Variants in OLFM3 observed in about 807,000 individuals in gnomAD.
The protein encoded by OLFM3 is noelin-3.
Under a neutral mutation model 48.6 loss-of-function variants are expected in OLFM3, and 20 were observed. The observed-to-expected ratio is 0.41, with a 90% CI of 0.29 to 0.60. The LOEUF is 0.60. Ranked by LOEUF, OLFM3 falls within the 20% of genes least tolerant of loss-of-function variation. The pLI is 0.28. For synonymous variants in OLFM3, 222 were observed against 198.1 expected (o/e 1.12, Z -1.01); for missense variants, 437 against 544.3 (o/e 0.80, Z 1.96).
chr1:101,933,438 C>T (rs370241359), intron 1 of OLFM3, among the ~76,000 whole-genome samples: 15 of 151,618 alleles, frequency 9.9e-5, no homozygotes, highest in African/African-American at 3.4e-4. Context: ...GAAGAATGAA[C>T]CAAACCTCCA....
chr1:101,944,819 G>T (rs1405161014), intron 1 of OLFM3, among the ~76,000 whole-genome samples: 1 of 151,686 alleles, frequency 6.6e-6, no homozygotes, highest in Non-Finnish European at 1.5e-5. Context: ...GCCAGAGGTT[G>T]CAGTGAGCCA....
intron 1 of OLFM3, among the ~76,000 whole-genome samples, chr1:101,977,222 C>T (rs1056558361): frequency 6.6e-6 from 1 of 152,100 alleles, no homozygotes; most frequent in African/African-American, 2.4e-5. Context: ...TCATTCAAAA[C>T]ATTTTCCCCA....
Position 101,830,749 on chromosome 1 carries a change from T to C in OLFM3, c.295A>G (p.Thr99Ala), listed in dbSNP as rs1179646085. ...RDFQYVLKMETQMKGLKAKFR... is the reference protein window; with the variant it reads ...RDFQYVLKMEAQMKGLKAKFR... ...TTTGCCTTCAGCCCTTTCATTTGGG[T>C]TTCCATTTTTAAAACATATTGGAAA... The change falls in exon 3 of 6, where the codon ACC becomes GCC. Residue 99 changes from threonine (T) to alanine (A), a missense_variant. Thr to Ala is a moderately conservative substitution (Grantham distance 58). Coordinates refer to ENST00000370103, the MANE Select transcript of OLFM3 (RefSeq NM_058170.4). The C allele has an allele frequency of 2.5e-6, 4 of 1,614,134 alleles. No homozygotes were observed. The Admixed American group carries it at 5.0e-5, about 20-fold the overall frequency.
intron 1 of OLFM3, among the ~76,000 whole-genome samples, chr1:101,868,256 G>T (rs889408322): frequency 3.9e-5 from 6 of 152,182 alleles, no homozygotes; most frequent in Non-Finnish European, 7.3e-5. Flanking sequence ...CAGTTGGAGG[G>T]CTCAGAAGAA....
chr1:101,889,132 C>T (rs544195341), intron 1 of OLFM3, among the ~76,000 whole-genome samples: 2 of 152,150 alleles, frequency 1.3e-5, no homozygotes, highest in African/African-American at 4.8e-5. Flanking sequence ...TACCATTTGA[C>T]CCAGCCATCC....
At chr1:101,953,252 A>G (rs887302371) in intron 1 of OLFM3, among the ~76,000 whole-genome samples, 1 of 152,122 alleles carries the variant, frequency 6.6e-6, no homozygotes, top group Non-Finnish European at 1.5e-5. Flanking sequence ...ACTGGACAGC[A>G]GTACTCTAGG....
intron 1 of OLFM3, among the ~76,000 whole-genome samples, chr1:101,942,047 A>G (rs1659812151): frequency 6.6e-6 from 1 of 152,202 alleles, no homozygotes; most frequent in African/African-American, 2.4e-5. Flanking sequence ...ACACCCTAGG[A>G]CGAAGGGATT....
At chr1:101,871,040 A>C (rs1056747508) in intron 1 of OLFM3, among the ~76,000 whole-genome samples, 4 of 151,954 alleles carry the variant, frequency 2.6e-5, no homozygotes, top group African/African-American at 9.7e-5. Context: ...TGACTTTATA[A>C]CTCTTGTACA....
intron 2 of OLFM3, among the ~76,000 whole-genome samples, chr1:101,834,789 C>T (rs1221651503): frequency 6.6e-6 from 1 of 152,160 alleles, no homozygotes; most frequent in Non-Finnish European, 1.5e-5. Context: ...TTCTTGAAAA[C>T]ATTCAGACAA....
At chr1:101,861,111 G>C (rs1276139523) in intron 1 of OLFM3, among the ~76,000 whole-genome samples, 1 of 152,118 alleles carries the variant, frequency 6.6e-6, no homozygotes, top group African/African-American at 2.4e-5. Context: ...GCCCAGGCTG[G>C]TGTGCAGTGG....
At chr1:101,923,239 AT>A (rs1432641849) in intron 1 of OLFM3, among the ~76,000 whole-genome samples, 4 of 152,200 alleles carry the variant, frequency 2.6e-5, no homozygotes, top group African/African-American at 9.6e-5. Flanking sequence ...ACAAGGATAT[AT>A]TCCTTCCGGT....
At chr1:101,985,037 C>T (rs572484439) in intron 1 of OLFM3, among the ~76,000 whole-genome samples, 3 of 152,350 alleles carry the variant, frequency 2.0e-5, no homozygotes, top group Non-Finnish European at 2.9e-5. Context: ...TCTAAAGGGT[C>T]TCTGGAAGCA....
At chr1:101,928,677 TACA>T (rs1393823990) in intron 1 of OLFM3, among the ~76,000 whole-genome samples, 7 of 152,156 alleles carry the variant, frequency 4.6e-5, no homozygotes, top group Non-Finnish European at 1.0e-4. Context: ...TAGATATGTC[TACA>T]ACAACTATAG....
intron 1 of OLFM3, among the ~76,000 whole-genome samples, chr1:101,889,736 A>T (rs28414610): frequency 0.079 from 11,961 of 152,188 alleles, 595 homozygotes; most frequent in East Asian, 0.22. Flanking sequence ...ATATATAAAA[A>T]TGTACATAAA....
chr1:101,972,273 TTA>T (rs2101097675), intron 1 of OLFM3, among the ~76,000 whole-genome samples: 1 of 152,322 alleles, frequency 6.6e-6, no homozygotes, highest in East Asian at 1.9e-4. Context: ...AAATCTCACT[TTA>T]TAGTAGAAAT....
chr1:101,885,201 G>A (rs1570596646), intron 1 of OLFM3, among the ~76,000 whole-genome samples: 1 of 151,936 alleles, frequency 6.6e-6, no homozygotes, highest in Non-Finnish European at 1.5e-5. Flanking sequence ...CGAATAAAGG[G>A]TTTTCAGATA....
chr1:101,866,786 A>G lies in OLFM3; in HGVS notation c.70-29761T>C, dbSNP rs192766445. ...ATTCAAATATTTGCAGGTTTTTAAA[A>G]TACAGATAGTAAGTATGACTCGGTA... On this transcript the variant is annotated intron_variant, in intron 1 of 5. Transcript: ENST00000370103. 2.2e-3 allele frequency among the ~76,000 whole-genome samples: 341 copies of G among 152,332 alleles called. 1 individual carries two copies. Among genetic ancestry groups the G allele is most frequent in the African/African-American group, 3.3e-3 (136 of 41,584 alleles).
chr1:101,844,803 T>C (rs1240928327), intron 1 of OLFM3, among the ~76,000 whole-genome samples: 2 of 152,028 alleles, frequency 1.3e-5, no homozygotes, highest in East Asian at 1.9e-4. Context: ...TTAGCACATA[T>C]AAGATTTAAT....
chr1:101,966,442 G>A (rs1660612175), intron 1 of OLFM3, among the ~76,000 whole-genome samples: 1 of 151,962 alleles, frequency 6.6e-6, no homozygotes, highest in Non-Finnish European at 1.5e-5. Flanking sequence ...CAAAGGGCTG[G>A]GATTACAGGC....
Sources: allele counts gnomAD v4.1 joint callset (sites outside exome capture counted in the v4.1 genomes callset), GRCh38; gene constraint gnomAD v4.1.1; transcripts MANE v1.5; gene names NCBI Gene and HGNC (gene_info 2026-07-23, HGNC 2026-07-21).